Variants in SYT1 observed in about 807,000 individuals in gnomAD.
The protein encoded by SYT1 is synaptotagmin-1.
Under a neutral mutation model 44.8 loss-of-function variants are expected in SYT1, and 8 were observed. The observed-to-expected ratio is 0.18, with a 90% CI of 0.10 to 0.32. The LOEUF is 0.32. Among genes scored for constraint, SYT1 ranks in the 10% least tolerant of loss-of-function variants. SYT1 has a pLI of 1.00. For missense variants in SYT1, 286 were observed against 509.3 expected (o/e 0.56, Z 4.22); for synonymous variants, 154 against 188.8 (o/e 0.82, Z 1.51).
At chr12:79,446,010 T>TAC (rs1565961478) in intron 10 of SYT1, among the ~76,000 whole-genome samples, 71 of 100,760 alleles carry the variant, frequency 7.0e-4, no homozygotes, top group African/African-American at 1.2e-3. Context: ...TATATATATA[T>TAC]ATATATATAT....
chr12:79,113,464 G>A (rs912417394), intron 3 of SYT1, among the ~76,000 whole-genome samples: 6 of 150,220 alleles, frequency 4.0e-5, no homozygotes, highest in Non-Finnish European at 7.4e-5. Flanking sequence ...TAAATTCTGT[G>A]AAATGATCTA....
intron 2 of SYT1, among the ~76,000 whole-genome samples, chr12:78,989,142 G>A (rs573236755): frequency 9.9e-5 from 15 of 152,192 alleles, no homozygotes; most frequent in African/African-American, 3.4e-4. Flanking sequence ...GAAACGGGTA[G>A]GGGAGGAGAA....
chr12:78,966,736 G>A (rs1463746250), intron 1 of SYT1, among the ~76,000 whole-genome samples: 1 of 152,132 alleles, frequency 6.6e-6, no homozygotes, highest in Non-Finnish European at 1.5e-5. Context: ...TTGATATGAT[G>A]TTGGAGAAAG....
At chr12:79,070,962 A>G (rs1230870804) in intron 3 of SYT1, among the ~76,000 whole-genome samples, 1 of 152,152 alleles carries the variant, frequency 6.6e-6, no homozygotes, top group African/African-American at 2.4e-5. Flanking sequence ...GCAAGTAGTA[A>G]AAAATAGTCT....
chr12:79,443,534 A>G (rs1175887668), intron 9 of SYT1, among the ~76,000 whole-genome samples: 1 of 152,166 alleles, frequency 6.6e-6, no homozygotes, highest in Admixed American at 6.5e-5. Flanking sequence ...CTATATTCCT[A>G]GGGCCTAACA....
At chr12:79,110,844 A>T (rs1878972786) in intron 3 of SYT1, among the ~76,000 whole-genome samples, 1 of 152,172 alleles carries the variant, frequency 6.6e-6, no homozygotes. Flanking sequence ...CTGCAGTTAT[A>T]ATATGCGTTA....
chr12:79,264,998 TA>T (rs1393581356), intron 4 of SYT1, among the ~76,000 whole-genome samples: 1 of 152,216 alleles, frequency 6.6e-6, no homozygotes, highest in Non-Finnish European at 1.5e-5. Flanking sequence ...ACGGTTGTAT[TA>T]TACATGTAAA....
intron 1 of SYT1, among the ~76,000 whole-genome samples, chr12:78,971,465 C>G (rs1385391927): frequency 6.6e-6 from 1 of 152,036 alleles, no homozygotes; most frequent in African/African-American, 2.4e-5. Flanking sequence ...AGAGTAGATG[C>G]ATTGTTCCAT....
chr12:78,885,003 A>G (rs1284536808), intron 1 of SYT1, among the ~76,000 whole-genome samples: 1 of 151,938 alleles, frequency 6.6e-6, no homozygotes, highest in African/African-American at 2.4e-5. Flanking sequence ...TATTTTGGAA[A>G]TAAGAAAATT....
chr12:78,903,797 T>C (rs1326375935), intron 1 of SYT1, among the ~76,000 whole-genome samples: 1 of 152,088 alleles, frequency 6.6e-6, no homozygotes, highest in Non-Finnish European at 1.5e-5. Context: ...GAATGACAAA[T>C]TATAAGATAG....
intron 9 of SYT1, among the ~76,000 whole-genome samples, chr12:79,364,549 A>G (rs1247631753): frequency 4.6e-5 from 7 of 152,212 alleles, no homozygotes; most frequent in African/African-American, 4.8e-5. Context: ...ATCATTTTCA[A>G]TGATGACTGG....
intron 1 of SYT1, among the ~76,000 whole-genome samples, chr12:78,881,034 C>T (rs1190181131): frequency 6.6e-6 from 1 of 151,612 alleles, no homozygotes; most frequent in East Asian, 1.9e-4. Context: ...AACTCATCTT[C>T]CTCACAGTCA....
intron 3 of SYT1, among the ~76,000 whole-genome samples, chr12:79,117,716 AAAT>A (rs1879379906): frequency 1.1e-5 from 1 of 92,650 alleles, no homozygotes; most frequent in African/African-American, 3.8e-5. Context: ...TATATATATA[AAAT>A]AAATAGGTTG....
At chr12:78,933,980 T>G (rs938748920) in intron 1 of SYT1, among the ~76,000 whole-genome samples, 1 of 152,102 alleles carries the variant, frequency 6.6e-6, no homozygotes, top group Admixed American at 6.5e-5. Flanking sequence ...GGGATGCAGT[T>G]TATATGTCTT....
At chr12:79,192,802 TATTA>T (rs1335325750) in intron 3 of SYT1, among the ~76,000 whole-genome samples, 1 of 152,174 alleles carries the variant, frequency 6.6e-6, no homozygotes, top group Non-Finnish European at 1.5e-5. Context: ...ATGAATTATT[TATTA>T]CTTATTCAAA....
intron 3 of SYT1, among the ~76,000 whole-genome samples, chr12:79,054,018 G>C (rs188914998): frequency 3.3e-5 from 5 of 152,162 alleles, no homozygotes; most frequent in Admixed American, 3.3e-4. Flanking sequence ...CTTGTTTTGT[G>C]TCAGCTGTTT....
At chr12:79,375,093 G>T (rs1319414847) in intron 9 of SYT1, among the ~76,000 whole-genome samples, 1 of 152,096 alleles carries the variant, frequency 6.6e-6, no homozygotes, top group Non-Finnish European at 1.5e-5. Flanking sequence ...TATATGTCAT[G>T]AAATATTAAT....
Position 79,330,588 on chromosome 12 carries a change from T to C in SYT1, c.811-22914T>C, listed in dbSNP as rs17005470. ...CACAAAATGGAGATAATAACTATAT[T>C]TCAGGGCTGTGAAGATATGAAATAA... On this transcript the variant is annotated intron_variant, in intron 8 of 10. Coordinates refer to ENST00000261205, the MANE Select transcript of SYT1 (RefSeq NM_005639.3). Among the ~76,000 whole-genome samples the C allele has an allele frequency of 0.019, 2,861 of 152,240 alleles. 206 individuals carry two copies. The East Asian group carries it at 0.21, about 11-fold the overall frequency.
intron 8 of SYT1, among the ~76,000 whole-genome samples, chr12:79,303,960 T>A (rs1055926079): frequency 1.3e-5 from 2 of 152,242 alleles, no homozygotes; most frequent in African/African-American, 4.8e-5. Context: ...TTGGAAATCC[T>A]TATAAAAGGT....
Sources: allele counts gnomAD v4.1 joint callset (sites outside exome capture counted in the v4.1 genomes callset), GRCh38; gene constraint gnomAD v4.1.1; transcripts MANE v1.5; gene names NCBI Gene and HGNC (gene_info 2026-07-23, HGNC 2026-07-21).